SLC16A2: variants seen among roughly 807,000 people sequenced by gnomAD.
SLC16A2 encodes solute carrier family 16 member 2.
SLC16A2 carries 3 observed loss-of-function variants against 27.2 expected under a neutral mutation model. The ratio of observed to expected loss-of-function variants is 0.11; its 90% CI spans 0.05 to 0.28. SLC16A2 has a LOEUF of 0.28. Among genes scored for constraint, SLC16A2 ranks in the 10% least tolerant of loss-of-function variants. The probability of loss-of-function intolerance (pLI) is 1.00; values close to 1 mark genes in which losing one functional copy is unlikely to be tolerated. For missense variants in SLC16A2, 295 were observed against 458.5 expected (o/e 0.64, Z 3.26); for synonymous variants, 202 against 187.8 (o/e 1.08, Z -0.62).
intron 1 of SLC16A2, among the ~76,000 whole-genome samples, chrX:74,501,763 C>T (rs1320273085): frequency 9.0e-6 from 1 of 111,435 alleles, no homozygotes; most frequent in Non-Finnish European, 1.9e-5. Context: ...CTACCCTCCA[C>T]AGGGACGGGA....
intron 1 of SLC16A2, among the ~76,000 whole-genome samples, chrX:74,491,842 C>T (rs1466633465): frequency 8.9e-6 from 1 of 112,402 alleles, no homozygotes; most frequent in Non-Finnish European, 1.9e-5. Context: ...AAATGAATTT[C>T]GCCAGTTGCA....
At chrX:74,505,879 A>G (rs1421031450) in intron 1 of SLC16A2, among the ~76,000 whole-genome samples, 2 of 111,951 alleles carry the variant, frequency 1.8e-5, no homozygotes, top group East Asian at 2.8e-4. Flanking sequence ...GCAGGGCCCT[A>G]TTCAGTCTCA....
intron 1 of SLC16A2, among the ~76,000 whole-genome samples, chrX:74,439,191 T>TTTCTTTCTTTCTTTCTTTCTTTC: frequency 9.9e-6 from 1 of 100,836 alleles, no homozygotes; most frequent in Non-Finnish European, 2.0e-5. Context: ...TTTCTTTTTC[T>TTTCTTTCTTTCTTTCTTTCTTTC]TTCTTTCTTT....
At chrX:74,477,570 T>G (rs1323376610) in intron 1 of SLC16A2, among the ~76,000 whole-genome samples, 18 of 111,632 alleles carry the variant, frequency 1.6e-4, no homozygotes, top group Non-Finnish European at 3.4e-4. Context: ...TAATTGTGAT[T>G]TTAGGGTGTC....
At position 74,421,718 on chromosome X, in the gene SLC16A2, T is replaced by C; in HGVS notation, c.81T>C (p.Gly27=). ...EADQEQQEPV[G]SPEPESEPEP... ...ACCAGGAACAGCAGGAGCCGGTGGG[T>C]AGCCCAGAGCCGGAGTCTGAGCCGG... The change falls in exon 1 of 6, where the codon GGT becomes GGC. Residue 27 remains glycine (G), a synonymous_variant. Coordinates refer to ENST00000587091, the MANE Select transcript of SLC16A2 (RefSeq NM_006517.5). 1 of 1,177,633 alleles carries C rather than the reference T, an allele frequency of 8.5e-7. No individual in the cohort carries two copies.
chrX:74,425,901 A>G (rs1404541347), intron 1 of SLC16A2, among the ~76,000 whole-genome samples: 2 of 112,040 alleles, frequency 1.8e-5, no homozygotes, highest in Non-Finnish European at 3.8e-5. Context: ...GTCAAGGCTG[A>G]GGCTCTCATC....
chrX:74,494,905 G>A (rs181555499), intron 1 of SLC16A2, among the ~76,000 whole-genome samples: 2 of 111,190 alleles, frequency 1.8e-5, no homozygotes, highest in East Asian at 2.9e-4. Context: ...AAAGGTGAGG[G>A]AAGCCTTTAG....
intron 1 of SLC16A2, among the ~76,000 whole-genome samples, chrX:74,452,705 C>T (rs1319689270): frequency 1.8e-5 from 2 of 110,700 alleles, no homozygotes; most frequent in African/African-American, 6.6e-5. Flanking sequence ...TATAAATATA[C>T]ACAGGTCGTC....
intron 2 of SLC16A2, 116 bp downstream of exon 2, chrX:74,521,250 C>A: frequency 1.1e-6 from 1 of 899,863 alleles, no homozygotes; most frequent in Non-Finnish European, 1.6e-6. Flanking sequence ...CCCTGTAGGG[C>A]CCTCAAAGAT....
At chrX:74,517,689 A>G (rs1262937288) in intron 1 of SLC16A2, among the ~76,000 whole-genome samples, 2 of 111,739 alleles carry the variant, frequency 1.8e-5, no homozygotes, top group African/African-American at 6.5e-5. Context: ...GAATACCACC[A>G]TCATCAAGAT....
At chrX:74,528,314 C>T (rs1930515997) in intron 4 of SLC16A2, among the ~76,000 whole-genome samples, 1 of 110,303 alleles carries the variant, frequency 9.1e-6, no homozygotes, top group Admixed American at 9.6e-5. Context: ...GGTCTTCAGT[C>T]TAGCTGGCCA....
intron 1 of SLC16A2, among the ~76,000 whole-genome samples, chrX:74,479,997 A>T (rs916628320): frequency 6.0e-4 from 67 of 111,127 alleles, no homozygotes; most frequent in African/African-American, 2.2e-3. Flanking sequence ...GAGAACCACT[A>T]CTCTCTTCAA....
At chrX:74,518,222 GT>G (rs1376706424) in intron 1 of SLC16A2, among the ~76,000 whole-genome samples, 2 of 112,299 alleles carry the variant, frequency 1.8e-5, no homozygotes, top group East Asian at 5.6e-4. Context: ...AGTGAGTACT[GT>G]TTTGCATTGC....
chrX:74,473,555 AT>A (rs1337404673), intron 1 of SLC16A2: 3 of 742,877 alleles, frequency 4.0e-6, no homozygotes, highest in Non-Finnish European at 6.2e-6. Context: ...AATTACTTCA[AT>A]TTTTCCATAC....
chrX:74,446,097 A>G (rs1928832555), intron 1 of SLC16A2, among the ~76,000 whole-genome samples: 1 of 111,036 alleles, frequency 9.0e-6, no homozygotes, highest in Non-Finnish European at 1.9e-5. Context: ...ACAGACTCTG[A>G]TGCTAGTTGC....
intron 1 of SLC16A2, among the ~76,000 whole-genome samples, chrX:74,441,063 ATT>A (rs60503852): frequency 1.0e-5 from 1 of 97,715 alleles, no homozygotes; most frequent in Non-Finnish European, 2.1e-5. Context: ...CGCCTCCTGG[ATT>A]TTTTTTTTTT....
intron 1 of SLC16A2, among the ~76,000 whole-genome samples, chrX:74,477,590 T>C (rs1242505871): frequency 1.8e-5 from 2 of 112,311 alleles, no homozygotes; most frequent in Non-Finnish European, 3.8e-5. Context: ...CAATTTGAGA[T>C]CTTTCCTGCT....
intron 1 of SLC16A2, among the ~76,000 whole-genome samples, chrX:74,474,987 A>G (rs1438466849): frequency 9.0e-6 from 1 of 111,463 alleles, no homozygotes; most frequent in African/African-American, 3.3e-5. Flanking sequence ...TCCTTTGGGT[A>G]TATACCCAGT....
At chrX:74,525,485 C>G (rs1930474232) in intron 3 of SLC16A2, among the ~76,000 whole-genome samples, 3 of 111,526 alleles carry the variant, frequency 2.7e-5, no homozygotes, top group Non-Finnish European at 5.6e-5. Flanking sequence ...TTTTCTCAAT[C>G]ATTTAGGCTA....
Sources: gnomAD v4.1 joint callset for allele counts (sites outside exome capture counted in the v4.1 genomes callset) on GRCh38, gnomAD v4.1.1 for gene constraint, MANE v1.5 for transcripts, NCBI Gene and HGNC (gene_info 2026-07-23, HGNC 2026-07-21) for gene names.